FNBP4: variants seen among roughly 807,000 people sequenced by gnomAD.
FNBP4 encodes formin-binding protein 4.
FNBP4 carries 34 observed loss-of-function variants against 119.3 expected under a neutral mutation model. The observed-to-expected ratio is 0.28, with a 90% CI of 0.22 to 0.38. The LOEUF is 0.38. FNBP4 is among the 10% of genes least tolerant of loss of function. The pLI is 1.00. For missense variants in FNBP4, 1,112 were observed against 1,228.9 expected, an observed-to-expected ratio of 0.90 and a Z score of 1.42; for synonymous variants, 462 against 430.6, an observed-to-expected ratio of 1.07 and a Z score of -0.90.
chr11:47,751,003 T>C lies in FNBP4; in HGVS notation c.819A>G (p.Val273=). The change falls in exon 6 of 17, where the codon GTA becomes GTG. Residue 273 remains valine (V), a synonymous_variant. Transcript: ENST00000263773. ...TCTCCTTAGAATATATGTCTGTATT[T>C]ACCACAAAACTAGTTTCAGCACCTG... ...SVPGAETSFV[V]NTDIYSKEKT... 1 of 1,614,082 alleles carries C rather than the reference T, an allele frequency of 6.2e-7. No homozygotes were observed. The highest frequency in any genetic ancestry group is 1.1e-5 in the South Asian group (1 of 91,064).
At chr11:47,723,885 T>G (rs1188989201) in intron 14 of FNBP4, 143 bp downstream of exon 14, 9 of 808,016 alleles carry the variant, frequency 1.1e-5, no homozygotes, top group African/African-American at 7.1e-5. Flanking sequence ...AAAAGTTTTT[T>G]TTTTTTTTTT....
chr11:47,755,572 C>T (rs898704112), intron 2 of FNBP4, among the ~76,000 whole-genome samples: 3 of 151,562 alleles, frequency 2.0e-5, no homozygotes, highest in Non-Finnish European at 4.4e-5. Context: ...ATCATTTGAG[C>T]CCAGAATCTG....
At chr11:47,728,938 C>T (rs531182983) in intron 12 of FNBP4, among the ~76,000 whole-genome samples, 113 of 146,850 alleles carry the variant, frequency 7.7e-4, no homozygotes, top group African/African-American at 2.4e-3. Context: ...CTGCAACCTT[C>T]GCCTCCCAGG....
chr11:47,755,450 A>AAAAT (rs1346367347), intron 2 of FNBP4, among the ~76,000 whole-genome samples: 1 of 152,064 alleles, frequency 6.6e-6, no homozygotes, highest in South Asian at 2.1e-4. Flanking sequence ...AATCCGTCTC[A>AAAAT]AAATAAATAA....
chr11:47,751,630 T>C (rs962019672), intron 4 of FNBP4, among the ~76,000 whole-genome samples: 24 of 152,112 alleles, frequency 1.6e-4, no homozygotes, highest in African/African-American at 5.3e-4. Flanking sequence ...ATCTAACATT[T>C]AGAGTCACCT....
At chr11:47,753,781 A>G (rs1237103006) in intron 3 of FNBP4, among the ~76,000 whole-genome samples, 1 of 152,068 alleles carries the variant, frequency 6.6e-6, no homozygotes, top group Non-Finnish European at 1.5e-5. Flanking sequence ...GGGTGACAGT[A>G]AGACCCAGTC....
chr11:47,758,596 G>A (rs2097625313), intron 2 of FNBP4, among the ~76,000 whole-genome samples: 1 of 152,020 alleles, frequency 6.6e-6, no homozygotes, highest in Non-Finnish European at 1.5e-5. Flanking sequence ...CAGGCATGGT[G>A]GCTCATGCCT....
intron 2 of FNBP4, among the ~76,000 whole-genome samples, chr11:47,761,148 A>G (rs940137329): frequency 1.6e-4 from 25 of 152,226 alleles, no homozygotes; most frequent in African/African-American, 2.4e-5. Context: ...AGGGATTAAA[A>G]GTAATGCTAA....
chr11:47,735,629 G>A (rs2097572930), intron 9 of FNBP4, among the ~76,000 whole-genome samples: 2 of 152,176 alleles, frequency 1.3e-5, no homozygotes, highest in Non-Finnish European at 2.9e-5. Flanking sequence ...CAATTGAGCA[G>A]TTAGAATTTT....
At chr11:47,765,411 A>AAAGAAAAGAG (rs1565172742) in intron 1 of FNBP4, 49 bp from the exon 2 acceptor site, 17 of 1,348,578 alleles carry the variant, frequency 1.3e-5, no homozygotes, top group Non-Finnish European at 1.7e-5. Flanking sequence ...AAAGAAAAGA[A>AAAGAAAAGAG]AAGAAAACTG....
Position 47,767,275 on chromosome 11 carries a change from G to T in FNBP4, c.14C>A (p.Ser5Tyr). 6.5e-7 allele frequency: 1 copy of T among 1,535,768 alleles called. No individual in the cohort carries two copies. The highest frequency in any genetic ancestry group is 8.7e-7 in the Non-Finnish European group (1 of 1,149,386). Reference protein sequence around the residue: MGKKSRAVPGRRPIL... With the variant: MGKKYRAVPGRRPIL... ...GGGCCTACGGCCGGGTACCGCCCGG[G>T]ACTTCTTCCCCATCGCGAGCCCAAG... The change falls in exon 1 of 17, where the codon TCC (serine) becomes TAC (tyrosine). Residue 5 changes from serine (S) to tyrosine (Y), a missense_variant. Ser to Tyr is a moderately radical substitution (Grantham distance 144). Around this residue, in one of 2 missense-constraint regions of FNBP4, gnomAD observed 286 missense variants for 240.1 expected, o/e 1.19. Transcript: ENST00000263773.
chr11:47,734,985 C>CT (rs1310071874), intron 9 of FNBP4, among the ~76,000 whole-genome samples: 2 of 111,642 alleles, frequency 1.8e-5, no homozygotes, highest in Non-Finnish European at 4.1e-5. Context: ...AACACCCCCC[C>CT]CCCCAAAAAA....
In FNBP4 at chr11:47,754,678, G is replaced by A. The variant is rs201524674; in HGVS notation, c.314-14C>T. 1 of 1,611,036 alleles carries A rather than the reference G, an allele frequency of 6.2e-7. No homozygotes were observed. The highest frequency in any genetic ancestry group is 8.5e-7 in the Non-Finnish European group (1 of 1,179,026). On this transcript the variant is annotated splice_polypyrimidine_tract_variant and intron_variant, in intron 2 of 16. Coordinates refer to ENST00000263773, the MANE Select transcript of FNBP4 (RefSeq NM_015308.5). ...AGCATAGACCGCCTAGAAACAAAAA[G>A]GTAAACAGTATTTGTAACAACAATG...
At chr11:47,749,464 C>T (rs2097597499) in intron 6 of FNBP4, among the ~76,000 whole-genome samples, 1 of 151,992 alleles carries the variant, frequency 6.6e-6, no homozygotes, top group African/African-American at 2.4e-5. Context: ...GAAGTTGAGG[C>T]AGAATTGCTT....
chr11:47,764,691 G>C (rs752827989), intron 2 of FNBP4, among the ~76,000 whole-genome samples: 3 of 152,094 alleles, frequency 2.0e-5, no homozygotes, highest in Non-Finnish European at 4.4e-5. Flanking sequence ...ACAGAGTAGA[G>C]AAAATTAACA....
intron 11 of FNBP4, 102 bp from the exon 12 acceptor site, chr11:47,731,663 G>A (rs756493227): frequency 1.0e-5 from 15 of 1,493,858 alleles, no homozygotes; most frequent in Non-Finnish European, 1.3e-5. Context: ...TCACAGGGAC[G>A]AACCTCTTAA....
rs148898872 is a variant in FNBP4, at chr11:47,724,472, C to T, written c.2315G>A (p.Ser772Asn). 9 of 1,614,114 alleles carry T rather than the reference C, an allele frequency of 5.6e-6. No individual in the cohort carries two copies. The East Asian group carries it at 1.1e-4, about 20-fold the overall frequency. ...ATGCCAAAGGGAATTACTTACCTGG[C>T]TAGTTACAACTGTGGTTTGTGCTGA... Reference protein sequence around the residue: ...KPSAQTTVVTSQSSVDSTISS... With the variant: ...KPSAQTTVVTNQSSVDSTISS... Residue 772 changes from serine to asparagine, a missense_variant, in exon 13 of 17, where the codon AGC (serine) becomes AAC (asparagine). This residue lies in a region of FNBP4 where 826 missense variants were observed against 988.8 expected (regional missense o/e 0.84). Transcript: ENST00000263773.
At chr11:47,724,903 T>C in intron 12 of FNBP4, 125 bp from the exon 13 acceptor site, 1 of 1,348,728 alleles carries the variant, frequency 7.4e-7, no homozygotes, top group Non-Finnish European at 9.7e-7. Context: ...TACAAAACAA[T>C]ACAGAATGTG....
Position 47,767,118 on chromosome 11 carries a change from G to C in FNBP4, c.171C>G (p.Thr57=), listed in dbSNP as rs866909960. 1 of 1,268,856 alleles carries C rather than the reference G, an allele frequency of 7.9e-7. No individual in the cohort carries two copies. Among genetic ancestry groups the C allele is most frequent in the Non-Finnish European group, 1.1e-6 (1 of 943,114 alleles). The allele number at this position is 1,268,856 out of a possible 1,614,324, so 78.6% of individuals were successfully genotyped here. A position where few individuals can be genotyped will look rare whatever the true frequency, so the allele number is the denominator to read the frequency against. ...SQPAPSAATT[T]TTAVTAAAAS... is the part of the protein sequence containing the mutation. Reference sequence around the variant, plus strand: ...CCGCGGCGGCAGTCACCGCGGTGGTGGTGGTCGTCGCCGCCGACGGGGCGG... The same window carrying C: ...CCGCGGCGGCAGTCACCGCGGTGGTCGTGGTCGTCGCCGCCGACGGGGCGG... The change falls in exon 1 of 17, where the codon ACC becomes ACG. Residue 57 remains threonine (T), a synonymous_variant. Coordinates refer to ENST00000263773, the MANE Select transcript of FNBP4 (RefSeq NM_015308.5).
Sources: allele counts gnomAD v4.1 joint callset (sites outside exome capture counted in the v4.1 genomes callset), GRCh38; gene constraint gnomAD v4.1.1; regional missense constraint gnomAD v4.1.1; transcripts MANE v1.5; gene names NCBI Gene and HGNC (gene_info 2026-07-23, HGNC 2026-07-21).